The following DMXL2 variants were observed in gnomAD, a reference collection of about 807,000 sequenced individuals.
DMXL2 encodes Dmx like 2, also known as dmX-like protein 2.
Under a neutral mutation model 331.1 loss-of-function variants are expected in DMXL2, and 103 were observed. The observed-to-expected ratio is 0.31, with a 90% confidence interval of 0.27 to 0.37. The LOEUF is 0.37. Among genes scored for constraint, DMXL2 ranks in the 10% least tolerant of loss-of-function variants. The probability of loss-of-function intolerance (pLI) is 1.00; values close to 1 mark genes in which losing one functional copy is unlikely to be tolerated. For synonymous variants in DMXL2, 1,281 were observed against 1,252.1 expected, an observed-to-expected ratio of 1.02 and a Z score of -0.49; for missense variants, 3,171 against 3,642.9, an observed-to-expected ratio of 0.87 and a Z score of 3.33.
At chr15:51,459,719 A>G (rs2039961393) in intron 33 of DMXL2, 59 bp from the exon 34 acceptor site, 2 of 1,282,748 alleles carry the variant, frequency 1.6e-6, no homozygotes, top group African/African-American at 1.5e-5. Context: ...AATTATAAAG[A>G]CAGTGAAATA....
At chr15:51,458,958 T>C (rs1259105356) in intron 34 of DMXL2, 163 bp from the exon 35 acceptor site, 5 of 643,474 alleles carry the variant, frequency 7.8e-6, no homozygotes, top group Non-Finnish European at 1.3e-5. Context: ...TGTTGAAAAC[T>C]AGCTTTGGAA....
chr15:51,466,912 T>C (rs2040633020), intron 29 of DMXL2, among the ~76,000 whole-genome samples: 1 of 151,982 alleles, frequency 6.6e-6, no homozygotes, highest in Non-Finnish European at 1.5e-5. Context: ...CCATTTTTTT[T>C]AGTGGATATT....
At position 51,605,689 on chromosome 15, in the gene DMXL2, G is replaced by A. The variant is rs1175510152; in HGVS notation, c.87+16770C>T. ...CTCCCCAGTAGCTGGGACTACAGGC[G>A]CCCGCCACCGCGCCCGGCTAATATT... On this transcript the variant is annotated intron_variant, in intron 1 of 43. Coordinates refer to ENST00000560891, the MANE Select transcript of DMXL2 (RefSeq NM_001378457.1). Among the ~76,000 whole-genome samples, 4 of 100,834 alleles carry A rather than the reference G, an allele frequency of 4.0e-5. 2 individuals carry two copies. Among genetic ancestry groups the A allele is most frequent in the South Asian group, 6.4e-4 (2 of 3,138 alleles). The allele number at this position is 100,834 out of a possible 152,430, so 66.2% of individuals were successfully genotyped here.
intron 30 of DMXL2, 102 bp from the exon 31 acceptor site, chr15:51,465,753 GA>G: frequency 3.6e-6 from 3 of 827,574 alleles, no homozygotes; most frequent in Non-Finnish European, 5.7e-6. Context: ...CTCCAACCCA[GA>G]AAAAAAGCTG....
intron 15 of DMXL2, among the ~76,000 whole-genome samples, chr15:51,508,032 G>A (rs2046516339): frequency 6.6e-6 from 1 of 152,108 alleles, no homozygotes; most frequent in Non-Finnish European, 1.5e-5. Flanking sequence ...TTGGTAATGA[G>A]CGCTGCTAGA....
intron 6 of DMXL2, among the ~76,000 whole-genome samples, chr15:51,556,459 T>C (rs2049595101): frequency 6.6e-6 from 1 of 150,782 alleles, no homozygotes; most frequent in Non-Finnish European, 1.5e-5. Flanking sequence ...AATCAGTCCA[T>C]GTATTTCATC....
At chr15:51,509,997 A>T (rs2046656367) in intron 15 of DMXL2, among the ~76,000 whole-genome samples, 1 of 152,188 alleles carries the variant, frequency 6.6e-6, no homozygotes, top group Admixed American at 6.5e-5. Context: ...CCTTTGATAA[A>T]ATTCAACAGC....
At chr15:51,611,032 A>G (rs1299214341) in intron 1 of DMXL2, among the ~76,000 whole-genome samples, 1 of 152,096 alleles carries the variant, frequency 6.6e-6, no homozygotes, top group Non-Finnish European at 1.5e-5. Flanking sequence ...TATTAGGGAG[A>G]AAGACAAAAA....
Position 51,466,116 on chromosome 15 carries a change from A to G in DMXL2, c.7520+68T>C, listed in dbSNP as rs77318364. On this transcript the variant is annotated intron_variant, in intron 30 of 43. Coordinates refer to ENST00000560891, the MANE Select transcript of DMXL2 (RefSeq NM_001378457.1). ...AGGATAATAATGTTATTTAAAATTA[A>G]TAACATTGATATTTTCTACAAAAAG... 90 of 1,216,714 alleles carry G rather than the reference A, an allele frequency of 7.4e-5. No individual in the cohort carries two copies. The East Asian group carries it at 2.4e-3, about 32-fold the overall frequency. 75.4% of individuals were successfully genotyped at this position (1,216,714 alleles called of 1,614,324 possible).
intron 43 of DMXL2, among the ~76,000 whole-genome samples, chr15:51,449,844 A>G (rs966127782): frequency 3.9e-5 from 6 of 152,168 alleles, no homozygotes; most frequent in African/African-American, 7.2e-5. Context: ...AACTAATGTC[A>G]TCAAAAAATT....
intron 14 of DMXL2, 133 bp from the exon 15 acceptor site, chr15:51,514,692 A>G (rs2046935352): frequency 8.2e-6 from 5 of 611,492 alleles, no homozygotes; most frequent in African/African-American, 2.0e-5. Context: ...ACTACTAATT[A>G]GAAAGAAAAA....
chr15:51,620,172 T>C (rs2054538957), intron 1 of DMXL2, among the ~76,000 whole-genome samples: 1 of 152,232 alleles, frequency 6.6e-6, no homozygotes, highest in African/African-American at 2.4e-5. Context: ...TTTTTTGTTT[T>C]GTTTTGTTTT....
chr15:51,538,505 T>C (rs2048407788), intron 9 of DMXL2, 53 bp from the exon 10 acceptor site: 2 of 1,392,222 alleles, frequency 1.4e-6, no homozygotes, highest in Non-Finnish European at 1.9e-6. Flanking sequence ...TTTAAAAACA[T>C]GACAAGTGCT....
chr15:51,587,384 G>A (rs1353001101), intron 1 of DMXL2, among the ~76,000 whole-genome samples: 1 of 151,370 alleles, frequency 6.6e-6, no homozygotes, highest in Non-Finnish European at 1.5e-5. Context: ...TGTTGTCATT[G>A]TTCAATTCCC....
chr15:51,575,380 C>A (rs879498283), intron 2 of DMXL2, among the ~76,000 whole-genome samples: 2 of 152,084 alleles, frequency 1.3e-5, no homozygotes, highest in Non-Finnish European at 2.9e-5. Flanking sequence ...CCTTATTACT[C>A]TATTCTCGTA....
intron 40 of DMXL2, among the ~76,000 whole-genome samples, chr15:51,453,891 T>C (rs2039383524): frequency 1.3e-5 from 2 of 152,230 alleles, no homozygotes. Flanking sequence ...GTTTTTCAGA[T>C]TATGTAAGAA....
chr15:51,535,234 A>AC (rs2048220903), intron 13 of DMXL2, among the ~76,000 whole-genome samples: 1 of 152,186 alleles, frequency 6.6e-6, no homozygotes. Flanking sequence ...AGATGCTGCC[A>AC]CCCACTGATA....
intron 1 of DMXL2, among the ~76,000 whole-genome samples, chr15:51,583,121 C>CTTTTTTTTTTTTTTTTTTT (rs1171970352): frequency 2.0e-4 from 7 of 34,876 alleles, no homozygotes; most frequent in Non-Finnish European, 3.3e-4. Flanking sequence ...TTTTTTTTTT[C>CTTTTTTTTTTTTTTTTTTT]TTTTTTTTTT....
intron 17 of DMXL2, among the ~76,000 whole-genome samples, chr15:51,501,093 C>A (rs1026797153): frequency 1.3e-5 from 2 of 152,116 alleles, no homozygotes; most frequent in Non-Finnish European, 2.9e-5. Context: ...TTGAGTATAA[C>A]CCAAACCTTT....
Sources: gnomAD v4.1 joint callset for allele counts (sites outside exome capture counted in the v4.1 genomes callset) on GRCh38, gnomAD v4.1.1 for gene constraint, MANE v1.5 for transcripts, NCBI Gene and HGNC (gene_info 2026-07-23, HGNC 2026-07-21) for gene names.